The following PEAK1 variants were observed in gnomAD, a reference collection of about 807,000 sequenced individuals.
The protein encoded by PEAK1 is pseudopodium enriched atypical kinase 1.
A neutral mutation model predicts 124.7 loss-of-function variants in PEAK1; 54 were observed. The observed-to-expected ratio is 0.43, with a 90% CI of 0.35 to 0.54. PEAK1 has a LOEUF of 0.54. Ranked by LOEUF, PEAK1 falls within the 20% of genes least tolerant of loss-of-function variation. The pLI, the probability that PEAK1 is intolerant of heterozygous loss-of-function variation, is 0.01. For missense variants in PEAK1, 2,046 were observed against 2,134.5 expected (o/e 0.96, Z 0.82); for synonymous variants, 719 against 760.0 (o/e 0.95, Z 0.89).
chr15:77,215,093 T>C (rs1397538364), intron 6 of PEAK1, among the ~76,000 whole-genome samples: 1 of 152,204 alleles, frequency 6.6e-6, no homozygotes, highest in East Asian at 1.9e-4. Context: ...AATTGCTCCA[T>C]AACCTCATCA....
rs2050826336 is a variant in PEAK1, at chr15:77,108,874, T to C, written c.*5282A>G. 6.6e-6 allele frequency: 1 copy of C among 152,184 alleles called. No homozygotes were observed. The highest frequency in any genetic ancestry group is 2.4e-5 in the African/African-American group (1 of 41,446). 9.4% of individuals were successfully genotyped at this position (152,184 alleles called of 1,614,324 possible). ...AAAAAGCTGGAATAAACCCAGAGAC[T>C]TTCTGGAGTGGGAAACATGTAATGG... On this transcript the variant is annotated 3_prime_UTR_variant, in exon 10 of 10. Coordinates refer to ENST00000682557, the MANE Select transcript of PEAK1 (RefSeq NM_001385026.1).
At chr15:77,156,944 T>C (rs2055207818) in intron 8 of PEAK1, 1 of 152,202 alleles carries the variant, frequency 6.6e-6, no homozygotes. Context: ...GTATCCAAGA[T>C]AGTAGTTTAG....
chr15:77,363,914 G>A (rs2068057814), intron 2 of PEAK1, among the ~76,000 whole-genome samples: 1 of 151,948 alleles, frequency 6.6e-6, no homozygotes, highest in African/African-American at 2.4e-5. Flanking sequence ...TAAGAGTGAT[G>A]AAAGGCCAGG....
intron 7 of PEAK1, among the ~76,000 whole-genome samples, chr15:77,176,322 C>CA (rs34377844): frequency 0.29 from 41,087 of 139,834 alleles, 6,548 homozygotes; most frequent in Middle Eastern, 0.39. Flanking sequence ...TTACATTTTT[C>CA]AAAAAAAAAA....
intron 6 of PEAK1, among the ~76,000 whole-genome samples, chr15:77,188,889 C>T (rs1013132102): frequency 6.6e-6 from 1 of 152,056 alleles, no homozygotes; most frequent in Admixed American, 6.6e-5. Flanking sequence ...GTACCAGGCC[C>T]TTTACCCATA....
intron 6 of PEAK1, among the ~76,000 whole-genome samples, chr15:77,213,105 C>T (rs944040035): frequency 6.6e-6 from 1 of 152,072 alleles, no homozygotes; most frequent in Non-Finnish European, 1.5e-5. Context: ...TCAGAAAAGA[C>T]TGAAATCCAA....
chr15:77,394,193 A>T (rs1361424122), intron 1 of PEAK1, among the ~76,000 whole-genome samples: 1 of 152,212 alleles, frequency 6.6e-6, no homozygotes, highest in Non-Finnish European at 1.5e-5. Context: ...ACCCAGGGCT[A>T]GGGAGACCTT....
At chr15:77,241,229 A>C (rs950562965) in intron 6 of PEAK1, among the ~76,000 whole-genome samples, 1 of 152,198 alleles carries the variant, frequency 6.6e-6, no homozygotes, top group African/African-American at 2.4e-5. Context: ...AGCTCAAAAA[A>C]TAAAATCCAT....
intron 1 of PEAK1, among the ~76,000 whole-genome samples, chr15:77,400,429 C>T (rs1446862971): frequency 1.3e-5 from 2 of 151,888 alleles, no homozygotes; most frequent in Admixed American, 6.6e-5. Context: ...TCAACAGAAA[C>T]GGATAAAGAA....
chr15:77,357,493 CA>C (rs2067596276), intron 2 of PEAK1, among the ~76,000 whole-genome samples: 1 of 152,040 alleles, frequency 6.6e-6, no homozygotes, highest in African/African-American at 2.4e-5. Flanking sequence ...AAGCTGGTCT[CA>C]AAAGCCTGAC....
rs1190379052 is a variant in PEAK1, at chr15:77,108,344, AT to A, written c.*5811del. ...AAGCTCCGGAAAGAGCAAAAACAAGATTTTCAAATACAGAGTGTGGGCAGGG... is the reference window on the plus strand; with the variant it reads ...AAGCTCCGGAAAGAGCAAAAACAAGATTTCAAATACAGAGTGTGGGCAGGG... On this transcript the variant is annotated 3_prime_UTR_variant, in exon 10 of 10. Coordinates refer to ENST00000682557, the MANE Select transcript of PEAK1 (RefSeq NM_001385026.1). The A allele has an allele frequency of 6.6e-6, 1 of 152,220 alleles. No individual in the cohort carries two copies. Among genetic ancestry groups the A allele is most frequent in the Non-Finnish European group, 1.5e-5 (1 of 68,040 alleles). 9.4% of individuals were successfully genotyped at this position (152,220 alleles called of 1,614,324 possible). A position where few individuals can be genotyped will look rare whatever the true frequency, so the allele number is the denominator to read the frequency against.
intron 2 of PEAK1, among the ~76,000 whole-genome samples, chr15:77,304,591 G>A (rs1486658474): frequency 6.6e-6 from 1 of 151,904 alleles, no homozygotes; most frequent in Non-Finnish European, 1.5e-5. Context: ...GGGACTACAG[G>A]TGCCCGCCAC....
At chr15:77,382,158 G>C (rs868809518) in intron 1 of PEAK1, among the ~76,000 whole-genome samples, 2 of 151,966 alleles carry the variant, frequency 1.3e-5, no homozygotes, top group African/African-American at 4.8e-5. Context: ...ACTTTAGTGG[G>C]GCAAGAGTGG....
rs1182178307 is a variant in PEAK1 at position 77,217,276 on chromosome 15, G to C, written c.-115+35091C>G. ...CAGGTTGTGGGGAGCACAAAGTACA[G>C]TTGAAGCAATAGCTACCAAGATGTG... On this transcript the variant is annotated intron_variant, in intron 6 of 9. Transcript: ENST00000682557. 1.3e-5 allele frequency among the ~76,000 whole-genome samples: 2 copies of C among 148,414 alleles called. 1 individual carries two copies. Among genetic ancestry groups the C allele is most frequent in the African/African-American group, 5.0e-5 (2 of 40,194 alleles).
At chr15:77,209,709 T>C (rs1260877205) in intron 6 of PEAK1, among the ~76,000 whole-genome samples, 2 of 152,146 alleles carry the variant, frequency 1.3e-5, no homozygotes, top group Non-Finnish European at 2.9e-5. Flanking sequence ...ATTTTTAAAA[T>C]TTTTTCTTCA....
At chr15:77,191,737 G>T (rs1035934845) in intron 6 of PEAK1, among the ~76,000 whole-genome samples, 1 of 152,172 alleles carries the variant, frequency 6.6e-6, no homozygotes, top group Admixed American at 6.5e-5. Context: ...GAAATGGAAA[G>T]AATATATTGA....
chr15:77,340,422 G>A (rs2066457178), intron 2 of PEAK1, among the ~76,000 whole-genome samples: 1 of 152,172 alleles, frequency 6.6e-6, no homozygotes, highest in African/African-American at 2.4e-5. Flanking sequence ...GCAAACTTAT[G>A]AAAACAGAAA....
rs905957375 is a variant in PEAK1 at position 77,334,291 on chromosome 15, T to C, written c.-603+30872A>G. The C allele has an allele frequency of 3.0e-5, 30 of 985,098 alleles. No homozygotes were observed. In the South Asian group the frequency reaches 1.0e-3, roughly 34 times the overall value. The allele number at this position is 985,098 out of a possible 1,614,324, so 61.0% of individuals were successfully genotyped here. On this transcript the variant is annotated intron_variant, in intron 2 of 9. Coordinates refer to ENST00000682557, the MANE Select transcript of PEAK1 (RefSeq NM_001385026.1). ...TTTCTGGTAGATCACTTGTGCATAA[T>C]AGTAATGCTGTCTTCTCTTTTGAAA...
chr15:77,320,324 ACCT>A (rs1033666062), intron 2 of PEAK1, among the ~76,000 whole-genome samples: 4 of 152,146 alleles, frequency 2.6e-5, no homozygotes, highest in African/African-American at 4.8e-5. Flanking sequence ...TCCCCCACTG[ACCT>A]CCTCAAGAAT....
Sources: gnomAD v4.1 joint callset for allele counts (sites outside exome capture counted in the v4.1 genomes callset) on GRCh38, gnomAD v4.1.1 for gene constraint, MANE v1.5 for transcripts, NCBI Gene and HGNC (gene_info 2026-07-23, HGNC 2026-07-21) for gene names.